The following PTPRG variants were observed in gnomAD, a reference collection of about 807,000 sequenced individuals.
The protein encoded by PTPRG is protein tyrosine phosphatase receptor type G, also known as receptor-type tyrosine-protein phosphatase gamma.
A neutral mutation model predicts 165.3 loss-of-function variants in PTPRG; 102 were observed. The ratio of observed to expected loss-of-function variants is 0.62; its 90% CI spans 0.53 to 0.73. The LOEUF (loss-of-function observed/expected upper bound fraction) is 0.73. Among genes scored for constraint, PTPRG ranks in the 30% least tolerant of loss-of-function variants. The pLI is 0.00. For missense variants in PTPRG, 1,866 were observed against 1,861.4 expected (o/e 1.00, Z -0.05); for synonymous variants, 675 against 669.5 (o/e 1.01, Z -0.13).
chr3:61,614,921 T>A (rs2106881794), intron 1 of PTPRG, among the ~76,000 whole-genome samples: 1 of 152,342 alleles, frequency 6.6e-6, no homozygotes, highest in African/African-American at 2.4e-5. Context: ...TCAGCTCTAG[T>A]GTCTTCTTTC....
chr3:62,133,367 G>C (rs923055376), intron 6 of PTPRG, among the ~76,000 whole-genome samples: 1 of 152,158 alleles, frequency 6.6e-6, no homozygotes, highest in African/African-American at 2.4e-5. Flanking sequence ...AATCTAATTA[G>C]AATTCCAGAG....
At chr3:61,886,341 T>C (rs1463897100) in intron 2 of PTPRG, among the ~76,000 whole-genome samples, 2 of 152,202 alleles carry the variant, frequency 1.3e-5, no homozygotes, top group Non-Finnish European at 2.9e-5. Context: ...CCTTTCTGCA[T>C]TGAGTTTTCA....
In PTPRG at chr3:61,772,397, G is replaced by A. The variant is rs1052353028; in HGVS notation, c.190+23415G>A. 1.3e-4 allele frequency among the ~76,000 whole-genome samples: 20 copies of A among 151,842 alleles called. No homozygotes were observed. The East Asian group carries it at 1.4e-3, about 10-fold the overall frequency. On this transcript the variant is annotated intron_variant, in intron 2 of 29. Coordinates refer to ENST00000474889, the MANE Select transcript of PTPRG (RefSeq NM_002841.4). ...TGCTCATTCACATTACTCCTTTTCC[G>A]TAATGTCTAATTTTTGTATCATTAA...
intron 2 of PTPRG, among the ~76,000 whole-genome samples, chr3:61,846,384 T>C (rs1456796467): frequency 6.6e-6 from 1 of 152,108 alleles, no homozygotes; most frequent in Admixed American, 6.5e-5. Flanking sequence ...TTATTTAAAT[T>C]GTAAAGGAAA....
At chr3:62,234,686 C>T (rs1291093074) in intron 14 of PTPRG, among the ~76,000 whole-genome samples, 3 of 151,934 alleles carry the variant, frequency 2.0e-5, no homozygotes, top group Non-Finnish European at 4.4e-5. Context: ...CCCTTGGTAG[C>T]AATGTGAGTT....
chr3:62,280,921 G>C (rs1430508990), intron 26 of PTPRG, among the ~76,000 whole-genome samples: 1 of 151,960 alleles, frequency 6.6e-6, no homozygotes, highest in African/African-American at 2.4e-5. Context: ...AACAAGTTTA[G>C]AGATCTCATA....
intron 2 of PTPRG, among the ~76,000 whole-genome samples, chr3:61,798,287 C>G (rs1418804061): frequency 6.6e-6 from 1 of 152,182 alleles, no homozygotes; most frequent in African/African-American, 2.4e-5. Flanking sequence ...AATACCAACT[C>G]AGCATGTTAG....
chr3:61,690,544 T>C (rs1398697451), intron 1 of PTPRG, among the ~76,000 whole-genome samples: 1 of 152,326 alleles, frequency 6.6e-6, no homozygotes, highest in African/African-American at 2.4e-5. Context: ...TCACCACAAC[T>C]AACTGTTTAA....
At chr3:61,839,829 C>G (rs72880489) in intron 2 of PTPRG, among the ~76,000 whole-genome samples, 1 of 152,130 alleles carries the variant, frequency 6.6e-6, no homozygotes, top group Non-Finnish European at 1.5e-5. Flanking sequence ...ACTCTCACCC[C>G]CTTCCCCCTC....
rs1377132016 is a variant in PTPRG, at chr3:61,887,699, G to A, written c.191-101926G>A. On this transcript the variant is annotated intron_variant, in intron 2 of 29. Coordinates refer to ENST00000474889, the MANE Select transcript of PTPRG (RefSeq NM_002841.4). ...CATATATTACCAGACCTTGATTATG[G>A]ATGATGGCTTTCAGTAAGTTAAAAA... 1.4e-5 allele frequency among the ~76,000 whole-genome samples: 2 copies of A among 146,504 alleles called. 1 individual carries two copies. Among genetic ancestry groups the A allele is most frequent in the East Asian group, 4.1e-4 (2 of 4,882 alleles).
rs1320096141 is a variant in PTPRG at position 62,228,094 on chromosome 3, G to A, written c.2289-3131G>A. 6.6e-6 allele frequency among the ~76,000 whole-genome samples: 1 copy of A among 151,964 alleles called. No individual in the cohort carries two copies. Among genetic ancestry groups the A allele is most frequent in the Non-Finnish European group, 1.5e-5 (1 of 68,018 alleles). ...GGGTGGTTGATTTTGCATTCCCCTGGGTTGCAATAGTGATCAAGGAAAATA... is the reference window on the plus strand; with the variant it reads ...GGGTGGTTGATTTTGCATTCCCCTGAGTTGCAATAGTGATCAAGGAAAATA... On this transcript the variant is annotated intron_variant, in intron 13 of 29. Coordinates refer to ENST00000474889, the MANE Select transcript of PTPRG (RefSeq NM_002841.4). This position sits in a 1 kb window ranked among gnomAD's most constrained non-coding sequence, Gnocchi z 4.1.
At chr3:61,582,666 C>T (rs1209561098) in intron 1 of PTPRG, among the ~76,000 whole-genome samples, 1 of 152,144 alleles carries the variant, frequency 6.6e-6, no homozygotes, top group Non-Finnish European at 1.5e-5. Flanking sequence ...ACTTCTGGAC[C>T]TTCCTGTTTC....
intron 14 of PTPRG, among the ~76,000 whole-genome samples, chr3:62,242,853 C>T (rs1040711564): frequency 3.3e-5 from 5 of 151,984 alleles, no homozygotes; most frequent in African/African-American, 9.7e-5. Flanking sequence ...GTTTGGTGTG[C>T]GACGCCAGAG....
rs1483364393 is a variant in PTPRG at position 62,233,940 on chromosome 3, T to C, written c.2375+2629T>C. Among the ~76,000 whole-genome samples the C allele has an allele frequency of 6.6e-6, 1 of 152,180 alleles. No individual in the cohort carries two copies. The highest frequency in any genetic ancestry group is 1.5e-5 in the Non-Finnish European group (1 of 68,032). ...GTTTAAAATTATATGCACCACTAAA[T>C]TACCATCCCATCACTCACCCACCCT... On this transcript the variant is annotated intron_variant, in intron 14 of 29. Coordinates refer to ENST00000474889, the MANE Select transcript of PTPRG (RefSeq NM_002841.4). The surrounding 1 kb of genome is among the most constrained non-coding windows in gnomAD (Gnocchi z 4.7).
intron 1 of PTPRG, among the ~76,000 whole-genome samples, chr3:61,688,087 T>G (rs1238701839): frequency 6.6e-6 from 1 of 152,194 alleles, no homozygotes; most frequent in South Asian, 2.1e-4. Flanking sequence ...TGACATCACT[T>G]TCATGACCTT....
intron 2 of PTPRG, among the ~76,000 whole-genome samples, chr3:61,972,008 G>A (rs2040395775): frequency 6.6e-6 from 1 of 152,278 alleles, no homozygotes; most frequent in South Asian, 2.1e-4. Context: ...GGGGCAGTGA[G>A]TGAACAATAG....
intron 26 of PTPRG, among the ~76,000 whole-genome samples, chr3:62,281,323 T>C (rs1702425985): frequency 6.6e-6 from 1 of 151,888 alleles, no homozygotes; most frequent in Non-Finnish European, 1.5e-5. Flanking sequence ...ATAGTGGGAG[T>C]GTTTCAGGTT....
chr3:61,707,207 T>G (rs2031308340), intron 1 of PTPRG, among the ~76,000 whole-genome samples: 1 of 152,254 alleles, frequency 6.6e-6, no homozygotes, highest in South Asian at 2.1e-4. Flanking sequence ...TGCATCCTCA[T>G]GCATATATGC....
At chr3:62,133,614 C>T (rs1331773034) in intron 6 of PTPRG, among the ~76,000 whole-genome samples, 1 of 152,144 alleles carries the variant, frequency 6.6e-6, no homozygotes, top group Non-Finnish European at 1.5e-5. Context: ...GTCAGTCATG[C>T]AGCAGGTAAC....
Sources: allele counts gnomAD v4.1 joint callset (sites outside exome capture counted in the v4.1 genomes callset), GRCh38; gene constraint gnomAD v4.1.1; non-coding constraint Gnocchi (gnomAD v3.1); transcripts MANE v1.5; gene names NCBI Gene and HGNC (gene_info 2026-07-23, HGNC 2026-07-21).